The following GLIS3 variants were observed in gnomAD, a reference collection of about 807,000 sequenced individuals.
GLIS3 encodes GLIS family zinc finger 3.
A neutral mutation model predicts 78.6 loss-of-function variants in GLIS3; 53 were observed. The ratio of observed to expected loss-of-function variants is 0.67; its 90% CI spans 0.54 to 0.85. GLIS3 has a LOEUF of 0.85. Among genes scored for constraint, GLIS3 ranks in the 40% least tolerant of loss-of-function variants. The probability of loss-of-function intolerance (pLI) is 0.00; values close to 1 mark genes in which losing one functional copy is unlikely to be tolerated. For synonymous variants in GLIS3, 684 were observed against 509.9 expected (o/e 1.34, Z -4.60); for missense variants, 1,703 against 1,231.1 (o/e 1.38, Z -5.74).
At chr9:4,042,820 CTG>C (rs375859956) in intron 4 of GLIS3, among the ~76,000 whole-genome samples, 22 of 152,062 alleles carry the variant, frequency 1.4e-4, no homozygotes, top group African/African-American at 4.8e-4. Flanking sequence ...TGATTTAATA[CTG>C]TGTTTCTCAA....
At chr9:4,216,347 C>G (rs1055894608) in intron 2 of GLIS3, among the ~76,000 whole-genome samples, 1 of 151,830 alleles carries the variant, frequency 6.6e-6, no homozygotes, top group African/African-American at 2.4e-5. Flanking sequence ...GTGGCGGGTG[C>G]CTGTAGTCCG....
intron 9 of GLIS3, among the ~76,000 whole-genome samples, chr9:3,842,492 T>A (rs1294147940): frequency 6.6e-6 from 1 of 151,974 alleles, no homozygotes; most frequent in Non-Finnish European, 1.5e-5. Flanking sequence ...CCCCAAGAGA[T>A]AAAGGGAGGA....
At chr9:4,121,572 C>T (rs1482900058) in intron 3 of GLIS3, among the ~76,000 whole-genome samples, 1 of 150,498 alleles carries the variant, frequency 6.6e-6, no homozygotes. Context: ...TTAAAAATAA[C>T]TTCTATTTTA....
chr9:4,202,902 G>T (rs1023026306), intron 2 of GLIS3, among the ~76,000 whole-genome samples: 4 of 152,180 alleles, frequency 2.6e-5, no homozygotes, highest in Non-Finnish European at 5.9e-5. Flanking sequence ...TCTGGACATT[G>T]CCATGGGAAA....
chr9:4,378,889 T>C, the GLIS3 span, among the ~76,000 whole-genome samples: 1 of 152,162 alleles, frequency 6.6e-6, no homozygotes, highest in Non-Finnish European at 1.5e-5. Context: ...ATTCTTCCTC[T>C]ATGAGGTACA....
intron 2 of GLIS3, among the ~76,000 whole-genome samples, chr9:4,191,626 C>G (rs1383668224): frequency 6.6e-6 from 1 of 152,124 alleles, no homozygotes; most frequent in Non-Finnish European, 1.5e-5. Flanking sequence ...TTTTCCAACC[C>G]TTTTCCCTAA....
the GLIS3 span, among the ~76,000 whole-genome samples, chr9:4,398,218 A>AGT: frequency 0.29 from 43,606 of 151,578 alleles, 6,681 homozygotes; most frequent in East Asian, 0.38. Flanking sequence ...GCTGAGGCAT[A>AGT]TTTTTTTTAA....
the GLIS3 span, among the ~76,000 whole-genome samples, chr9:4,462,909 A>C: frequency 6.6e-6 from 1 of 152,216 alleles, no homozygotes; most frequent in South Asian, 2.1e-4. Flanking sequence ...GAAATATTGC[A>C]CTTAAAGTGA....
At chr9:4,206,087 G>A (rs965939189) in intron 2 of GLIS3, among the ~76,000 whole-genome samples, 10 of 152,040 alleles carry the variant, frequency 6.6e-5, no homozygotes, top group African/African-American at 2.4e-4. Context: ...TATATAAGTG[G>A]TACAAGATCC....
intron 8 of GLIS3, among the ~76,000 whole-genome samples, chr9:3,865,263 C>T (rs958907494): frequency 3.3e-5 from 5 of 152,314 alleles, no homozygotes; most frequent in Admixed American, 3.3e-4. Context: ...TACCAGCAAT[C>T]AACACAGTTC....
the GLIS3 span, among the ~76,000 whole-genome samples, chr9:4,447,383 C>A: frequency 6.6e-6 from 1 of 152,082 alleles, no homozygotes; most frequent in African/African-American, 2.4e-5. Flanking sequence ...CCTTAAATTT[C>A]TTTTAAGACA....
At chr9:3,933,634 T>C (rs1825741371) in intron 5 of GLIS3, among the ~76,000 whole-genome samples, 1 of 152,190 alleles carries the variant, frequency 6.6e-6, no homozygotes, top group African/African-American at 2.4e-5. Flanking sequence ...TGATGTGAAA[T>C]GTAAGGAAGA....
At chr9:3,983,923 T>C (rs938350064) in intron 4 of GLIS3, among the ~76,000 whole-genome samples, 4 of 152,186 alleles carry the variant, frequency 2.6e-5, no homozygotes, top group Admixed American at 2.6e-4. Flanking sequence ...CTGCAGAAAT[T>C]TGCATAAATA....
chr9:4,488,107 T>TCTTG, the GLIS3 span, among the ~76,000 whole-genome samples: 1 of 151,448 alleles, frequency 6.6e-6, no homozygotes, highest in Non-Finnish European at 1.5e-5. Flanking sequence ...TTCGTCTGTT[T>TCTTG]GTTGGTTGGT....
At chr9:4,154,816 A>C (rs1834932696) in intron 2 of GLIS3, among the ~76,000 whole-genome samples, 2 of 152,216 alleles carry the variant, frequency 1.3e-5, no homozygotes, top group African/African-American at 4.8e-5. Flanking sequence ...CCCTATGGAC[A>C]TATTTAGACA....
intron 2 of GLIS3, among the ~76,000 whole-genome samples, chr9:4,179,783 G>A (rs1239822462): frequency 6.6e-6 from 1 of 152,140 alleles, no homozygotes; most frequent in South Asian, 2.1e-4. Flanking sequence ...GGTGGCGCAT[G>A]CCTGTAATCC....
At chr9:4,086,212 A>G (rs1399665779) in intron 4 of GLIS3, among the ~76,000 whole-genome samples, 1 of 152,112 alleles carries the variant, frequency 6.6e-6, no homozygotes, top group South Asian at 2.1e-4. Flanking sequence ...TTTGGCATGT[A>G]ATTTACTTGT....
At chr9:4,467,578 T>G in the GLIS3 span, among the ~76,000 whole-genome samples, 1 of 152,134 alleles carries the variant, frequency 6.6e-6, no homozygotes, top group South Asian at 2.1e-4. Flanking sequence ...ACCTGACTGT[T>G]AGAAGGAAAA....
intron 2 of GLIS3, among the ~76,000 whole-genome samples, chr9:4,158,960 C>T (rs369681603): frequency 1.4e-5 from 2 of 141,180 alleles, no homozygotes; most frequent in Non-Finnish European, 3.0e-5. Flanking sequence ...GGCGGAGTCC[C>T]GGGCAGAAAA....
Sources: allele counts gnomAD v4.1 joint callset (sites outside exome capture counted in the v4.1 genomes callset), GRCh38; gene constraint gnomAD v4.1.1; transcripts MANE v1.5; gene names NCBI Gene and HGNC (gene_info 2026-07-23, HGNC 2026-07-21).